Variants in CD8B observed in about 807,000 individuals in gnomAD.
CD8B encodes the protein CD8 subunit beta.
CD8B carries 6 observed loss-of-function variants against 24.2 expected under a neutral mutation model. The ratio of observed to expected loss-of-function variants is 0.25; its 90% CI spans 0.14 to 0.49. The LOEUF (loss-of-function observed/expected upper bound fraction) is 0.49, where lower values mean the gene tolerates loss of function less well. CD8B is among the 20% of genes least tolerant of loss of function. CD8B has a pLI of 0.98. For synonymous variants in CD8B, 84 were observed against 108.3 expected (o/e 0.78, Z 1.39); for missense variants, 196 against 271.3 (o/e 0.72, Z 1.95).
At chr2:86,850,053 T>G (rs1478067864) in intron 3 of CD8B, among the ~76,000 whole-genome samples, 1 of 151,994 alleles carries the variant, frequency 6.6e-6, no homozygotes, top group Non-Finnish European at 1.5e-5. Context: ...GTCACAGGGA[T>G]GTACAGGGCG....
At chr2:86,847,729 C>G (rs1264581485) in intron 3 of CD8B, among the ~76,000 whole-genome samples, 1 of 152,160 alleles carries the variant, frequency 6.6e-6, no homozygotes, top group East Asian at 1.9e-4. Flanking sequence ...TCATGCCTGG[C>G]TAATTTTTGT....
At chr2:86,822,373 G>A (rs905207361) in intron 5 of CD8B, 2 of 1,571,048 alleles carry the variant, frequency 1.3e-6, no homozygotes, top group African/African-American at 2.7e-5. Flanking sequence ...TGTAATCTTA[G>A]TCTTGGCACA....
exon 6 of CD8B, chr2:86,815,574 A>G (rs2104481630): frequency 7.9e-7 from 1 of 1,258,904 alleles, no homozygotes; most frequent in Non-Finnish European, 1.2e-6. Context: ...TAAAAGTAGT[A>G]AAGATCCACT....
rs1428074576 is a variant in CD8B, at chr2:86,838,483, A to T, written c.*3824T>A. Among the ~76,000 whole-genome samples the T allele has an allele frequency of 6.9e-6, 1 of 145,848 alleles. No homozygotes were observed. Among genetic ancestry groups the T allele is most frequent in the Non-Finnish European group, 1.5e-5 (1 of 65,032 alleles). On this transcript the variant is annotated 3_prime_UTR_variant, in exon 6 of 6. Transcript: ENST00000390655. Reference sequence around the variant, plus strand: ...GTTTTAAAAAATATGGGAAGAAAAAAAAACAAGAAACTTTTTAGAAAAAAT... The same window carrying T: ...GTTTTAAAAAATATGGGAAGAAAAATAAACAAGAAACTTTTTAGAAAAAAT...
chr2:86,853,203 G>A, intron 2 of CD8B, 117 bp from the exon 3 acceptor site: 1 of 1,507,194 alleles, frequency 6.6e-7, no homozygotes, highest in African/African-American at 1.4e-5. Flanking sequence ...AACACTTCCG[G>A]AGGCCAAGGC....
downstream of CD8B, among the ~76,000 whole-genome samples, chr2:86,836,376 G>T (rs1675178170): frequency 6.6e-6 from 1 of 152,144 alleles, no homozygotes. Flanking sequence ...AAGCAAGACT[G>T]CGAGCCCTGG....
At chr2:86,858,915 C>A (rs889767249) in intron 1 of CD8B, among the ~76,000 whole-genome samples, 3 of 152,026 alleles carry the variant, frequency 2.0e-5, no homozygotes, top group Non-Finnish European at 4.4e-5. Flanking sequence ...AAGGATAGAT[C>A]CAGGATTTTT....
At chr2:86,850,483 G>T (rs1392051422) in intron 3 of CD8B, among the ~76,000 whole-genome samples, 2 of 152,138 alleles carry the variant, frequency 1.3e-5, no homozygotes, top group Admixed American at 6.5e-5. Flanking sequence ...GTGTATAATA[G>T]CATCTCATTT....
At chr2:86,854,447 AATTTC>A (rs1676130604) in intron 2 of CD8B, among the ~76,000 whole-genome samples, 1 of 152,166 alleles carries the variant, frequency 6.6e-6, no homozygotes, top group Non-Finnish European at 1.5e-5. Flanking sequence ...CTCAAACTTT[AATTTC>A]AAAGGTGAAC....
At chr2:86,859,881 G>A (rs567982967) in intron 1 of CD8B, among the ~76,000 whole-genome samples, 2 of 152,092 alleles carry the variant, frequency 1.3e-5, no homozygotes, top group Admixed American at 6.5e-5. Context: ...CTCAGGCTCC[G>A]TGGCCCCATA....
At chr2:86,815,498 T>A (rs1045343337), downstream of CD8B, 1 of 745,776 alleles carries the variant, frequency 1.3e-6, no homozygotes, top group Non-Finnish European at 2.4e-6. Flanking sequence ...CTTGGGGGGT[T>A]GATGGTGGCA....
At position 86,840,580 on chromosome 2, in the gene CD8B, G is replaced by A. The variant is rs986198675; in HGVS notation, c.*1727C>T. 2.0e-5 allele frequency among the ~76,000 whole-genome samples: 3 copies of A among 152,188 alleles called. No homozygotes were observed. Among genetic ancestry groups the A allele is most frequent in the African/African-American group, 7.2e-5 (3 of 41,430 alleles). ...GTAGCCAACAGGTACCTCAAAAGGG[G>A]TACTTAAAACCCAGAAAACTTTGCA... On this transcript the variant is annotated 3_prime_UTR_variant, in exon 6 of 6. Transcript: ENST00000390655.
intron 1 of CD8B, among the ~76,000 whole-genome samples, chr2:86,860,226 C>A (rs1481249850): frequency 2.0e-5 from 3 of 152,232 alleles, no homozygotes; most frequent in Non-Finnish European, 2.9e-5. Flanking sequence ...GCCAAGATTG[C>A]GCCACTGCAC....
At chr2:86,845,138 T>C (rs1446520051) in intron 4 of CD8B, among the ~76,000 whole-genome samples, 180 bp from the exon 5 acceptor site, 1 of 152,144 alleles carries the variant, frequency 6.6e-6, no homozygotes, top group Non-Finnish European at 1.5e-5. Flanking sequence ...AAAACCTGAG[T>C]TGGATACTAC....
chr2:86,861,551 CT>C (rs2104593985), intron 1 of CD8B, among the ~76,000 whole-genome samples: 1 of 152,322 alleles, frequency 6.6e-6, no homozygotes, highest in South Asian at 2.1e-4. Context: ...ACTCGCTCCC[CT>C]TTTCACTGCC....
chr2:86,846,925 G>GTCTTTTTTTTTTTTTTTTTTTTTT lies in CD8B; in HGVS notation c.494-153_494-152insAAAAAAAAAAAAAAAAAAAAAAGA, dbSNP rs1285464744. ...TTCGATGTAATGTATTTTTCCTCAAGTATTTTTTTTTTTTTTTTTTTTTTT... is the reference window on the plus strand; with the variant it reads ...TTCGATGTAATGTATTTTTCCTCAAGTCTTTTTTTTTTTTTTTTTTTTTTTATTTTTTTTTTTTTTTTTTTTTTT... On this transcript the variant is annotated intron_variant, in intron 3 of 5. Coordinates refer to ENST00000390655, the MANE Select transcript of CD8B (RefSeq NM_004931.5). The GTCTTTTTTTTTTTTTTTTTTTTTT allele has an allele frequency of 1.7e-5, 3 of 176,724 alleles. 1 individual carries two copies. The highest frequency in any genetic ancestry group is 1.1e-5 in the Non-Finnish European group (1 of 92,860). 10.9% of individuals were successfully genotyped at this position (176,724 alleles called of 1,614,324 possible).
chr2:86,850,399 G>T (rs1675916667), intron 3 of CD8B, among the ~76,000 whole-genome samples: 1 of 152,128 alleles, frequency 6.6e-6, no homozygotes. Context: ...TGCCTTCTCA[G>T]TGACCCCATG....
intron 2 of CD8B, among the ~76,000 whole-genome samples, chr2:86,855,603 G>C (rs1202302536): frequency 1.3e-5 from 2 of 152,208 alleles, no homozygotes; most frequent in African/African-American, 4.8e-5. Context: ...GTCCACCCAA[G>C]GCCCTGGGTC....
intron 5 of CD8B, among the ~76,000 whole-genome samples, chr2:86,820,776 A>AAAAATAT (rs1252701990): frequency 1.2e-4 from 18 of 152,348 alleles, no homozygotes; most frequent in African/African-American, 4.3e-4. Context: ...GGCTAGTCTC[A>AAAAATAT]AAAATATAAA....
Sources: gnomAD v4.1 joint callset for allele counts (sites outside exome capture counted in the v4.1 genomes callset) on GRCh38, gnomAD v4.1.1 for gene constraint, MANE v1.5 for transcripts, NCBI Gene and HGNC (gene_info 2026-07-23, HGNC 2026-07-21) for gene names.